The following TEK variants were observed in gnomAD, a reference collection of about 807,000 sequenced individuals.
The protein encoded by TEK is TEK receptor tyrosine kinase.
TEK carries 43 observed loss-of-function variants against 131.8 expected under a neutral mutation model. The ratio of observed to expected loss-of-function variants is 0.33; its 90% CI spans 0.26 to 0.42. The LOEUF (loss-of-function observed/expected upper bound fraction) is 0.42, where lower values mean the gene tolerates loss of function less well. Ranked by LOEUF, TEK falls within the 10% of genes least tolerant of loss-of-function variation. TEK has a pLI of 1.00. For missense variants in TEK, 1,162 were observed against 1,384.4 expected (o/e 0.84, Z 2.55); for synonymous variants, 580 against 491.6 (o/e 1.18, Z -2.38).
rs137877521 is a variant in TEK, at chr9:27,177,827, T to C, written c.902-2413T>C. Among the ~76,000 whole-genome samples the C allele has an allele frequency of 4.8e-3, 734 of 152,358 alleles. 3 individuals carry two copies. Among genetic ancestry groups the C allele is most frequent in the African/African-American group, 0.016 (685 of 41,586 alleles). On this transcript the variant is annotated intron_variant, in intron 6 of 22. Transcript: ENST00000380036. ...TTTTATCAGGTTGTTTTCTTGCTAT[T>C]AAGTGGTTTGCGTTCCTTATATATT...
intron 1 of TEK, among the ~76,000 whole-genome samples, chr9:27,152,987 A>C (rs983145754): frequency 6.6e-6 from 1 of 152,248 alleles, no homozygotes; most frequent in Non-Finnish European, 1.5e-5. Context: ...GACGCTACTA[A>C]GAAAGATTAG....
At chr9:27,136,134 T>C (rs1188094912) in intron 1 of TEK, among the ~76,000 whole-genome samples, 3 of 146,794 alleles carry the variant, frequency 2.0e-5, no homozygotes, top group African/African-American at 7.5e-5. Flanking sequence ...CAGGTTGGAG[T>C]GCAGTGGCAC....
chr9:27,161,832 T>C (rs1267706888), intron 2 of TEK, among the ~76,000 whole-genome samples: 1 of 152,244 alleles, frequency 6.6e-6, no homozygotes. Context: ...ATAGAGATTT[T>C]ATCACACATA....
At chr9:27,123,052 C>CATAAAAAAAA (rs1821854375) in intron 1 of TEK, among the ~76,000 whole-genome samples, 1 of 34,712 alleles carries the variant, frequency 2.9e-5, no homozygotes. Context: ...GACTCTGTCT[C>CATAAAAAAAA]AAAAAAAAAA....
chr9:27,166,008 G>A (rs1019268449), intron 2 of TEK, among the ~76,000 whole-genome samples: 1 of 152,232 alleles, frequency 6.6e-6, no homozygotes, highest in Non-Finnish European at 1.5e-5. Flanking sequence ...CGCGCACAGC[G>A]CTTGATTAGT....
chr9:27,218,728 C>T lies in TEK; in HGVS notation c.3063-49C>T, dbSNP rs667250. The T allele has an allele frequency of 0.83, 1,331,709 of 1,608,592 alleles. 553,103 individuals carry two copies. The highest frequency in any genetic ancestry group is 1 in the East Asian group (44,764 of 44,812). On this transcript the variant is annotated intron_variant, in intron 19 of 22. Coordinates refer to ENST00000380036, the MANE Select transcript of TEK (RefSeq NM_000459.5). ...CTGGCTTTTGGGGCCGGAAAATGAGCGGTGACTCTGTTTGCTGATTGTTGG... is the reference window on the plus strand; with the variant it reads ...CTGGCTTTTGGGGCCGGAAAATGAGTGGTGACTCTGTTTGCTGATTGTTGG...
At chr9:27,188,400 T>G (rs1182198066) in intron 9 of TEK, among the ~76,000 whole-genome samples, 4 of 152,204 alleles carry the variant, frequency 2.6e-5, no homozygotes, top group Admixed American at 2.6e-4. Flanking sequence ...AATAGTAGAT[T>G]ACTAAGAGGA....
At position 27,213,559 on chromosome 9, in the gene TEK, T is replaced by C; in HGVS notation, c.2953T>C (p.Leu985=). The C allele has an allele frequency of 6.2e-7, 1 of 1,613,938 alleles. No individual in the cohort carries two copies. Among genetic ancestry groups the C allele is most frequent in the Non-Finnish European group, 8.5e-7 (1 of 1,179,862 alleles). Residue 985 remains leucine (L), a synonymous_variant, in exon 18 of 23, where the codon TTG becomes CTG. Transcript: ENST00000380036. ...NYVAKIADFG[L]SRGQEVYVKK... ...TGTGGCAAAAATAGCAGATTTTGGATTGTCCCGAGGTCAAGAGGTGTATGT... is the reference window on the plus strand; with the variant it reads ...TGTGGCAAAAATAGCAGATTTTGGACTGTCCCGAGGTCAAGAGGTGTATGT...
chr9:27,217,582 T>A, intron 18 of TEK, 106 bp from the exon 19 acceptor site: 1 of 965,052 alleles, frequency 1.0e-6, no homozygotes, highest in South Asian at 1.3e-5. Context: ...AAGCAATGAT[T>A]TCTGAGTCTA....
intron 13 of TEK, 75 bp from the exon 14 acceptor site, chr9:27,204,836 T>C: frequency 6.3e-7 from 1 of 1,586,504 alleles, no homozygotes; most frequent in Non-Finnish European, 8.6e-7. Flanking sequence ...ACACTGTGTC[T>C]TCTCCCACAT....
rs376017112 is a variant in TEK at position 27,228,173 on chromosome 9, T to C, written c.3201-33T>C. On this transcript the variant is annotated intron_variant, in intron 21 of 22. Transcript: ENST00000380036. ...CGTGCCTAGGACTGAAGCACAGTTATAGAATTAACCCTTTAATTCTTTGCT... is the reference window on the plus strand; with the variant it reads ...CGTGCCTAGGACTGAAGCACAGTTACAGAATTAACCCTTTAATTCTTTGCT... 166 of 1,541,906 alleles carry C rather than the reference T, an allele frequency of 1.1e-4. No homozygotes were observed. The African/African-American group carries it at 2.1e-3, about 19-fold the overall frequency.
At chr9:27,197,721 C>T in intron 12 of TEK, 122 bp downstream of exon 12, 2 of 1,185,658 alleles carry the variant, frequency 1.7e-6, no homozygotes, top group Non-Finnish European at 2.5e-6. Flanking sequence ...TGAGAGAAGG[C>T]TAATTAGTGC....
chr9:27,162,967 G>C (rs1453905857), intron 2 of TEK, among the ~76,000 whole-genome samples: 1 of 152,144 alleles, frequency 6.6e-6, no homozygotes, highest in Non-Finnish European at 1.5e-5. Flanking sequence ...ACCCACCTCA[G>C]CCTCCTAAAG....
At position 27,172,777 on chromosome 9, in the gene TEK, T is replaced by G; in HGVS notation, c.760+30T>G. On this transcript the variant is annotated intron_variant, in intron 5 of 22. Coordinates refer to ENST00000380036, the MANE Select transcript of TEK (RefSeq NM_000459.5). ...GTAAAGAGACTTGATAAGTAAGCTG[T>G]GGATTTAAAAAGCCATCGTTGCTGG... The G allele has an allele frequency of 1.9e-6, 3 of 1,612,354 alleles. No individual in the cohort carries two copies. In the Admixed American group the frequency reaches 5.0e-5, roughly 27 times the overall value.
rs192856323 is a variant in TEK, at chr9:27,224,611, A to T, written c.3201-3595A>T. 1.7e-4 allele frequency among the ~76,000 whole-genome samples: 26 copies of T among 152,324 alleles called. No individual in the cohort carries two copies. The East Asian group carries it at 5.0e-3, about 29-fold the overall frequency. ...AGGTATTGATGGAACGTATCTCAAA[A>T]TATTAAGAGCTGTTTATGACAAACC... On this transcript the variant is annotated intron_variant, in intron 21 of 22. Coordinates refer to ENST00000380036, the MANE Select transcript of TEK (RefSeq NM_000459.5).
chr9:27,150,696 T>C (rs1315875947), intron 1 of TEK, among the ~76,000 whole-genome samples: 3 of 152,176 alleles, frequency 2.0e-5, no homozygotes, highest in African/African-American at 7.2e-5. Flanking sequence ...GGAACCATGC[T>C]TCCTGCACCC....
chr9:27,183,165 A>G (rs1240795481), intron 7 of TEK, among the ~76,000 whole-genome samples: 1 of 152,170 alleles, frequency 6.6e-6, no homozygotes, highest in African/African-American at 2.4e-5. Flanking sequence ...TTTAATATTG[A>G]GACTGTTCCT....
At chr9:27,221,184 G>T (rs12343425) in intron 21 of TEK, among the ~76,000 whole-genome samples, 1 of 152,114 alleles carries the variant, frequency 6.6e-6, no homozygotes, top group Non-Finnish European at 1.5e-5. Context: ...GCCCACCGCC[G>T]CTCCTCAAAG....
intron 1 of TEK, among the ~76,000 whole-genome samples, chr9:27,141,839 T>C (rs2131086910): frequency 6.6e-6 from 1 of 152,364 alleles, no homozygotes; most frequent in Non-Finnish European, 1.5e-5. Flanking sequence ...TCCTTTGTTT[T>C]CTTTAATTAA....
Sources: allele counts gnomAD v4.1 joint callset (sites outside exome capture counted in the v4.1 genomes callset), GRCh38; gene constraint gnomAD v4.1.1; transcripts MANE v1.5; gene names NCBI Gene and HGNC (gene_info 2026-07-23, HGNC 2026-07-21).